The following ANKRD30B variants were observed in gnomAD, a reference collection of about 807,000 sequenced individuals.
ANKRD30B encodes the protein ankyrin repeat domain 30B, also known as ankyrin repeat domain-containing protein 30B.
A neutral mutation model predicts 202.2 loss-of-function variants in ANKRD30B; 144 were observed. The ratio of observed to expected loss-of-function variants is 0.71; its 90% CI spans 0.62 to 0.82. ANKRD30B has a LOEUF of 0.82. Among genes scored for constraint, ANKRD30B ranks in the 40% least tolerant of loss-of-function variants. ANKRD30B has a pLI of 0.00. For synonymous variants in ANKRD30B, 508 were observed against 561.3 expected (o/e 0.91, Z 1.34); for missense variants, 1,487 against 1,669.1 (o/e 0.89, Z 1.90).
intron 22 of ANKRD30B, 25 bp downstream of exon 22, chr18:14,799,320 C>T: frequency 2.0e-6 from 3 of 1,492,486 alleles, no homozygotes; most frequent in Non-Finnish European, 2.7e-6. Flanking sequence ...TTTAATTTTA[C>T]TCTGGAATTA....
At chr18:14,788,664 A>G (rs1391292866) in intron 15 of ANKRD30B, among the ~76,000 whole-genome samples, 2 of 151,570 alleles carry the variant, frequency 1.3e-5, no homozygotes, top group Non-Finnish European at 2.9e-5. Context: ...TTGTTGTTGC[A>G]ATAGTTTACT....
Position 14,796,336 on chromosome 18 carries a change from C to T in ANKRD30B, c.1855-7C>T, listed in dbSNP as rs1450997375. ...GTATTAATTTTTGTGTTTCCAAACC[C>T]ATTTAGCCTACCTGTGGAAGGAAAG... is the stretch of plus-strand genomic sequence containing the variant. On this transcript the variant is annotated splice_region_variant and splice_polypyrimidine_tract_variant and intron_variant, in intron 17 of 43. Transcript: ENST00000690538. 2 of 1,599,440 alleles carry T rather than the reference C, an allele frequency of 1.3e-6. No individual in the cohort carries two copies. Among genetic ancestry groups the T allele is most frequent in the Admixed American group, 1.7e-5 (1 of 58,180 alleles).
rs1386676895 is a variant in ANKRD30B, at chr18:14,784,368, T to A, written c.1599+4T>A. Reference sequence around the variant, plus strand: ...TGAGAAGCCATCTGCCTTCAAGGTATTTAGTTTTATGGTTTCATTTTGAAT... The same window carrying A: ...TGAGAAGCCATCTGCCTTCAAGGTAATTAGTTTTATGGTTTCATTTTGAAT... On this transcript the variant is annotated splice_donor_region_variant and intron_variant, in intron 13 of 43. Coordinates refer to ENST00000690538, the MANE Select transcript of ANKRD30B (RefSeq NM_001367607.2). 6.2e-7 allele frequency: 1 copy of A among 1,612,634 alleles called. No individual in the cohort carries two copies.
At chr18:14,868,988 A>G in the ANKRD30B span, among the ~76,000 whole-genome samples, 2 of 152,206 alleles carry the variant, frequency 1.3e-5, no homozygotes, top group Admixed American at 6.5e-5. Context: ...TGTGGTTGGG[A>G]TCACTTTTGC....
chr18:14,926,939 G>T, the ANKRD30B span, among the ~76,000 whole-genome samples: 1 of 152,172 alleles, frequency 6.6e-6, no homozygotes, highest in Non-Finnish European at 1.5e-5. Flanking sequence ...GTGTGTGTGT[G>T]TGTGTGTGTA....
chr18:14,805,097 T>C (rs1432104524), intron 24 of ANKRD30B, among the ~76,000 whole-genome samples: 6 of 150,800 alleles, frequency 4.0e-5, no homozygotes, highest in African/African-American at 1.5e-4. Flanking sequence ...TTTGTTGATA[T>C]TCACAATTTG....
In ANKRD30B at chr18:14,831,459, A is replaced by G; in HGVS notation, c.2847+4A>G. 1 of 1,482,784 alleles carries G rather than the reference A, an allele frequency of 6.7e-7. No individual in the cohort carries two copies. Among genetic ancestry groups the G allele is most frequent in the South Asian group, 1.3e-5 (1 of 78,154 alleles). 91.9% of individuals were successfully genotyped at this position (1,482,784 alleles called of 1,614,324 possible). ...AGACTTTAATCTTACTACCAAGGTA[A>G]AATAGTCTCTTGTTAAATTGATTTT... On this transcript the variant is annotated splice_donor_region_variant and intron_variant, in intron 34 of 43. Transcript: ENST00000690538.
At chr18:14,754,836 G>T in intron 3 of ANKRD30B, 63 bp from the exon 4 acceptor site, 2 of 1,123,182 alleles carry the variant, frequency 1.8e-6, no homozygotes, top group Non-Finnish European at 2.4e-6. Flanking sequence ...ATAATATAAG[G>T]TATTCAGTTC....
chr18:14,891,794 G>A, the ANKRD30B span, among the ~76,000 whole-genome samples: 1 of 152,190 alleles, frequency 6.6e-6, no homozygotes, highest in Non-Finnish European at 1.5e-5. Flanking sequence ...CCCTTTTAGA[G>A]CACTCTATTT....
At chr18:14,931,566 C>T in the ANKRD30B span, among the ~76,000 whole-genome samples, 36 of 152,058 alleles carry the variant, frequency 2.4e-4, no homozygotes, top group Admixed American at 2.3e-3. Context: ...AGCTGCCCTC[C>T]CTGAACTGAC....
chr18:14,753,423 T>C (rs1482585251), intron 3 of ANKRD30B, among the ~76,000 whole-genome samples: 4 of 152,160 alleles, frequency 2.6e-5, no homozygotes, highest in Non-Finnish European at 1.5e-5. Flanking sequence ...TATGACTGTT[T>C]GGTATGCTAA....
chr18:14,871,002 CACCCACACACCCCT>C, the ANKRD30B span, among the ~76,000 whole-genome samples: 12 of 139,616 alleles, frequency 8.6e-5, no homozygotes, highest in African/African-American at 3.1e-4. Flanking sequence ...CGCCCACCCC[CACCCACACACCCCT>C]ACCCACACAC....
At chr18:14,929,568 T>C in the ANKRD30B span, among the ~76,000 whole-genome samples, 6 of 152,192 alleles carry the variant, frequency 3.9e-5, no homozygotes. Context: ...ATGAGTCCAA[T>C]TTTTTTACTT....
Position 14,817,798 on chromosome 18 carries a change from T to C in ANKRD30B, c.2641+3087T>C, listed in dbSNP as rs541487509. On this transcript the variant is annotated intron_variant, in intron 30 of 43. Coordinates refer to ENST00000690538, the MANE Select transcript of ANKRD30B (RefSeq NM_001367607.2). Reference sequence around the variant, plus strand: ...AGTAAAGTTTAAAGATATTAATGAATCGAGAATGACCTTCTCATCATAATT... The same window carrying C: ...AGTAAAGTTTAAAGATATTAATGAACCGAGAATGACCTTCTCATCATAATT... Among the ~76,000 whole-genome samples the C allele has an allele frequency of 2.0e-5, 3 of 152,336 alleles. No individual in the cohort carries two copies. The East Asian group carries it at 5.8e-4, about 29-fold the overall frequency.
the ANKRD30B span, among the ~76,000 whole-genome samples, chr18:14,939,170 T>G: frequency 1.3e-5 from 2 of 152,208 alleles, no homozygotes; most frequent in South Asian, 2.1e-4. Flanking sequence ...CAAATTCTGT[T>G]TTTTTTCAGG....
chr18:14,810,885 G>A lies in ANKRD30B; in HGVS notation c.2488+705G>A. Among the ~76,000 whole-genome samples the A allele has an allele frequency of 1.3e-5, 2 of 151,222 alleles. 1 individual carries two copies. The highest frequency in any genetic ancestry group is 2.9e-5 in the Non-Finnish European group (2 of 67,838). The stretch of plus-strand genomic sequence containing the variant: ...TCCTGGCAATTTAGGAGACCAAGGT[G>A]GGCAGATTACTTAAGGTCAGGAGTC... On this transcript the variant is annotated intron_variant, in intron 28 of 43. Transcript: ENST00000690538.
At chr18:14,750,033 C>T (rs1170183783) in intron 1 of ANKRD30B, among the ~76,000 whole-genome samples, 2 of 152,086 alleles carry the variant, frequency 1.3e-5, no homozygotes, top group South Asian at 2.1e-4. Context: ...TACACAGATA[C>T]ATTTTTATGT....
Position 14,755,006 on chromosome 18 carries a change from G to A in ANKRD30B, c.617+1G>A, listed in dbSNP as rs752832686. 2.8e-6 allele frequency: 4 copies of A among 1,454,256 alleles called. No individual in the cohort carries two copies. The highest frequency in any genetic ancestry group is 2.6e-5 in the East Asian group (1 of 38,558). The allele number at this position is 1,454,256 out of a possible 1,614,324, so 90.1% of individuals were successfully genotyped here. ...CAAACGCATTTAATGAGTCTAAATG[G>A]TATGGTAGTTCTTTTTTTTTACTAA... On this transcript the variant is annotated splice_donor_variant, in intron 4 of 43. Coordinates refer to ENST00000690538, the MANE Select transcript of ANKRD30B (RefSeq NM_001367607.2). LOFTEE classifies it high-confidence loss of function.
chr18:14,804,481 AACAATTC>A (rs1405342135), intron 24 of ANKRD30B, among the ~76,000 whole-genome samples: 17 of 148,098 alleles, frequency 1.1e-4, no homozygotes, highest in Non-Finnish European at 3.0e-5. Flanking sequence ...AAACCTTGTT[AACAATTC>A]ACACTGTGAT....
Sources: gnomAD v4.1 joint callset for allele counts (sites outside exome capture counted in the v4.1 genomes callset) on GRCh38, gnomAD v4.1.1 for gene constraint, MANE v1.5 for transcripts, NCBI Gene and HGNC (gene_info 2026-07-23, HGNC 2026-07-21) for gene names.